PKP2: variants seen among roughly 807,000 people sequenced by gnomAD.
PKP2 encodes plakophilin-2.
Under a neutral mutation model 83.4 loss-of-function variants are expected in PKP2, and 73 were observed. The ratio of observed to expected loss-of-function variants is 0.88; its 90% CI spans 0.72 to 1.06. PKP2 has a LOEUF of 1.06. Among genes scored for constraint, PKP2 ranks in the 50% least tolerant of loss-of-function variants. The probability of loss-of-function intolerance (pLI) is 0.00; values close to 1 mark genes in which losing one functional copy is unlikely to be tolerated. For synonymous variants in PKP2, 409 were observed against 430.4 expected, an observed-to-expected ratio of 0.95 and a Z score of 0.62; for missense variants, 966 against 1,065.4, an observed-to-expected ratio of 0.91 and a Z score of 1.30.
intron 4 of PKP2, among the ~76,000 whole-genome samples, chr12:32,852,670 T>C (rs1359767249): frequency 3.9e-5 from 6 of 152,082 alleles, no homozygotes; most frequent in South Asian, 4.1e-4. Context: ...TAATAAGGAG[T>C]AAATACTTCC....
At chr12:32,800,203 A>G (rs1956167297) in intron 10 of PKP2, among the ~76,000 whole-genome samples, 1 of 152,192 alleles carries the variant, frequency 6.6e-6, no homozygotes, top group Non-Finnish European at 1.5e-5. Flanking sequence ...ATCTGTGTTC[A>G]TGTGGCATCT....
At chr12:32,835,431 A>G (rs1420394628) in intron 6 of PKP2, among the ~76,000 whole-genome samples, 1 of 152,178 alleles carries the variant, frequency 6.6e-6, no homozygotes. Context: ...GCAATCTGAT[A>G]ACTGCAATAC....
chr12:32,828,698 G>A (rs149924854), intron 6 of PKP2, among the ~76,000 whole-genome samples: 51 of 152,284 alleles, frequency 3.3e-4, no homozygotes, highest in African/African-American at 1.2e-3. Context: ...TGTCAAATAT[G>A]CTTAATTGAC....
intron 4 of PKP2, among the ~76,000 whole-genome samples, chr12:32,858,087 ATATATATATAT>A (rs1956768081): frequency 1.8e-5 from 1 of 56,352 alleles, no homozygotes. Flanking sequence ...AAAAAAAAAT[ATATATATATAT>A]ATATATATAT....
chr12:32,792,337 G>T lies in PKP2; in HGVS notation c.*87C>A. ...ATAGAGAAGGATAGAAACAAGGCAT[G>T]CTTTTGAGGTTTCTTGGGCTGGGTA... is the stretch of plus-strand genomic sequence containing the variant. On this transcript the variant is annotated 3_prime_UTR_variant, in exon 13 of 13. Coordinates refer to ENST00000340811, the MANE Select transcript of PKP2 (RefSeq NM_001005242.3). 1.1e-6 allele frequency: 1 copy of T among 917,678 alleles called. No homozygotes were observed. Among genetic ancestry groups the T allele is most frequent in the Non-Finnish European group, 1.8e-6 (1 of 546,044 alleles). The allele number at this position is 917,678 out of a possible 1,614,324, so 56.8% of individuals were successfully genotyped here. A position where few individuals can be genotyped will look rare whatever the true frequency, so the allele number is the denominator to read the frequency against.
At chr12:32,838,543 CTA>C (rs887120044) in intron 6 of PKP2, among the ~76,000 whole-genome samples, 1 of 152,016 alleles carries the variant, frequency 6.6e-6, no homozygotes, top group African/African-American at 2.4e-5. Context: ...TGGCTTTAGC[CTA>C]TGTTTCCAAT....
At chr12:32,828,282 C>T (rs984379076) in intron 6 of PKP2, among the ~76,000 whole-genome samples, 1 of 152,166 alleles carries the variant, frequency 6.6e-6, no homozygotes, top group African/African-American at 2.4e-5. Flanking sequence ...GACCTCTTAT[C>T]TCACACATTC....
intron 10 of PKP2, among the ~76,000 whole-genome samples, chr12:32,801,583 T>C (rs141162792): frequency 0.011 from 1,732 of 152,312 alleles, 29 homozygotes; most frequent in African/African-American, 0.037. Flanking sequence ...TATATGTGCA[T>C]ATTTAAAAAT....
intron 5 of PKP2, among the ~76,000 whole-genome samples, chr12:32,848,944 A>G (rs1415511607): frequency 6.6e-6 from 1 of 151,970 alleles, no homozygotes; most frequent in East Asian, 1.9e-4. Context: ...ACTTTAAAAC[A>G]ATATTTGTGG....
chr12:32,822,292 C>A (rs1398954366), intron 8 of PKP2, among the ~76,000 whole-genome samples, 175 bp downstream of exon 8: 1 of 152,096 alleles, frequency 6.6e-6, no homozygotes, highest in East Asian at 1.9e-4. Context: ...GTCTCTGTTT[C>A]CTCACTGGTA....
intron 4 of PKP2, among the ~76,000 whole-genome samples, chr12:32,855,533 G>A (rs1450110480): frequency 1.3e-5 from 2 of 152,160 alleles, no homozygotes; most frequent in Admixed American, 1.3e-4. Flanking sequence ...CAGCACTTTG[G>A]AAGGCCGAGG....
chr12:32,792,509 C>T lies in PKP2; in HGVS notation c.2446-17G>A, dbSNP rs1320217010. ...AAACTGAGCCTTTGGAATAAGCAAACAGAAACGTGAAAGGTAACAAAACTG... is the reference window on the plus strand; with the variant it reads ...AAACTGAGCCTTTGGAATAAGCAAATAGAAACGTGAAAGGTAACAAAACTG... On this transcript the variant is annotated splice_polypyrimidine_tract_variant and intron_variant, in intron 12 of 12. Transcript: ENST00000340811. 3 of 1,610,738 alleles carry T rather than the reference C, an allele frequency of 1.9e-6. No individual in the cohort carries two copies. Among genetic ancestry groups the T allele is most frequent in the Non-Finnish European group, 1.7e-6 (2 of 1,176,990 alleles).
intron 9 of PKP2, among the ~76,000 whole-genome samples, chr12:32,811,866 T>C (rs143534312): frequency 6.6e-6 from 1 of 152,174 alleles, no homozygotes; most frequent in East Asian, 1.9e-4. Flanking sequence ...CTGAGGGGTA[T>C]CTGCAGGCCA....
intron 4 of PKP2, among the ~76,000 whole-genome samples, chr12:32,867,979 T>C (rs538630639): frequency 2.0e-5 from 3 of 152,140 alleles, no homozygotes; most frequent in Non-Finnish European, 2.9e-5. Flanking sequence ...TCAAAACATA[T>C]ATGCACAAAG....
intron 3 of PKP2, among the ~76,000 whole-genome samples, chr12:32,874,072 C>T (rs1007127923): frequency 6.6e-6 from 1 of 152,180 alleles, no homozygotes; most frequent in Non-Finnish European, 1.5e-5. Context: ...GTTTAACCAG[C>T]CATTCTTCTT....
chr12:32,827,519 T>C (rs1161105917), intron 6 of PKP2, among the ~76,000 whole-genome samples: 4 of 151,552 alleles, frequency 2.6e-5, no homozygotes, highest in African/African-American at 9.7e-5. Flanking sequence ...TCTTAAAATA[T>C]TTTTTTTTAA....
intron 4 of PKP2, among the ~76,000 whole-genome samples, chr12:32,867,943 G>C (rs569981642): frequency 6.6e-6 from 1 of 152,244 alleles, no homozygotes; most frequent in South Asian, 2.1e-4. Flanking sequence ...CCATCTCTGA[G>C]GATCTGTCCT....
At chr12:32,851,537 C>T (rs958761811) in intron 4 of PKP2, among the ~76,000 whole-genome samples, 3 of 152,054 alleles carry the variant, frequency 2.0e-5, no homozygotes, top group Admixed American at 1.3e-4. Context: ...GGCGGGATGT[C>T]GGCTCACTGC....
In PKP2 at chr12:32,839,666, G is replaced by A. The variant is rs775510791; in HGVS notation, c.1556+1362C>T. On this transcript the variant is annotated intron_variant, in intron 6 of 12. Coordinates refer to ENST00000340811, the MANE Select transcript of PKP2 (RefSeq NM_001005242.3). ...GACTTGTTTCAGTGAGTTTAAGTTC[G>A]GTTCCCACCATTTTCAATGGAAAGA... 3.3e-5 allele frequency among the ~76,000 whole-genome samples: 5 copies of A among 152,148 alleles called. No individual in the cohort carries two copies. The East Asian group carries it at 7.8e-4, about 24-fold the overall frequency.
Sources: gnomAD v4.1 joint callset for allele counts (sites outside exome capture counted in the v4.1 genomes callset) on GRCh38, gnomAD v4.1.1 for gene constraint, MANE v1.5 for transcripts, NCBI Gene and HGNC (gene_info 2026-07-23, HGNC 2026-07-21) for gene names.